The following NKAIN3 variants were observed in gnomAD, a reference collection of about 807,000 sequenced individuals.
NKAIN3 encodes the protein sodium/potassium-transporting ATPase subunit beta-1-interacting protein 3.
Under a neutral mutation model 30.2 loss-of-function variants are expected in NKAIN3, and 25 were observed. The ratio of observed to expected loss-of-function variants is 0.83; its 90% confidence interval spans 0.60 to 1.16. The LOEUF (loss-of-function observed/expected upper bound fraction) is 1.16. Among genes scored for constraint, NKAIN3 ranks in the 50% most tolerant of loss-of-function variants. NKAIN3 has a pLI of 0.00. For synonymous variants in NKAIN3, 91 were observed against 89.6 expected, an observed-to-expected ratio of 1.02 and a Z score of -0.09; for missense variants, 225 against 254.1, an observed-to-expected ratio of 0.89 and a Z score of 0.78.
intron 3 of NKAIN3, among the ~76,000 whole-genome samples, chr8:62,713,551 G>A (rs1814793418): frequency 6.6e-6 from 1 of 152,042 alleles, no homozygotes; most frequent in African/African-American, 2.4e-5. Context: ...CACTTATTGA[G>A]CAACAACAAT....
In NKAIN3 at chr8:62,399,976, T is replaced by C. The variant is rs974771653; in HGVS notation, c.54+150849T>C. ...ACACAGGAGAGAGAGGGACAGTATA[T>C]AAGACAAGGCTCCTGAACATAGAGG... is the stretch of plus-strand genomic sequence containing the variant. On this transcript the variant is annotated intron_variant, in intron 1 of 6. Transcript: ENST00000623646. Among the ~76,000 whole-genome samples, 6 of 152,216 alleles carry C rather than the reference T, an allele frequency of 3.9e-5. No homozygotes were observed. The South Asian group carries it at 1.2e-3, about 32-fold the overall frequency.
Position 62,303,161 on chromosome 8 carries a change from C to T in NKAIN3, c.54+54034C>T, listed in dbSNP as rs906386132. On this transcript the variant is annotated intron_variant, in intron 1 of 6. Transcript: ENST00000623646. ...GTTGATTTACTGTGTTTTTTAAAAA[C>T]AGTTGTGCTCTTTGGTCACTGAATT... 1.3e-5 allele frequency among the ~76,000 whole-genome samples: 2 copies of T among 150,552 alleles called. 1 individual carries two copies. Among genetic ancestry groups the T allele is most frequent in the South Asian group, 4.2e-4 (2 of 4,814 alleles).
intron 4 of NKAIN3, among the ~76,000 whole-genome samples, chr8:62,869,512 G>A (rs1038210886): frequency 1.3e-5 from 2 of 152,194 alleles, no homozygotes; most frequent in South Asian, 2.1e-4. Flanking sequence ...TTATGGAAAT[G>A]TTTCTCCAAT....
intron 3 of NKAIN3, among the ~76,000 whole-genome samples, chr8:62,680,086 T>A (rs947793453): frequency 1.3e-5 from 2 of 152,166 alleles, no homozygotes; most frequent in African/African-American, 2.4e-5. Flanking sequence ...TGACCCATCA[T>A]TGCTGACTCT....
At chr8:62,605,316 G>T (rs1360401488) in intron 3 of NKAIN3, among the ~76,000 whole-genome samples, 1 of 151,922 alleles carries the variant, frequency 6.6e-6, no homozygotes, top group Non-Finnish European at 1.5e-5. Context: ...TAACTCAACG[G>T]AGCTTTCAGA....
At chr8:62,700,408 C>T (rs1814295816) in intron 3 of NKAIN3, among the ~76,000 whole-genome samples, 1 of 152,186 alleles carries the variant, frequency 6.6e-6, no homozygotes, top group South Asian at 2.1e-4. Flanking sequence ...ATTGCAATTT[C>T]CTTAGCTAAA....
chr8:62,605,927 A>T (rs1811110883), intron 3 of NKAIN3, among the ~76,000 whole-genome samples: 1 of 152,086 alleles, frequency 6.6e-6, no homozygotes, highest in Non-Finnish European at 1.5e-5. Context: ...AGGAAAACAA[A>T]CTTTGGTATT....
At chr8:62,717,504 T>C (rs910077387) in intron 3 of NKAIN3, among the ~76,000 whole-genome samples, 1 of 152,012 alleles carries the variant, frequency 6.6e-6, no homozygotes, top group Non-Finnish European at 1.5e-5. Flanking sequence ...ATTAAGGGTT[T>C]TTTTTTTTAC....
intron 4 of NKAIN3, among the ~76,000 whole-genome samples, chr8:62,790,035 T>C (rs202164510): frequency 6.6e-6 from 1 of 152,122 alleles, no homozygotes; most frequent in African/African-American, 2.4e-5. Flanking sequence ...ACCAATATCC[T>C]TGATGAACAT....
intron 4 of NKAIN3, among the ~76,000 whole-genome samples, chr8:62,783,641 T>C (rs537452072): frequency 2.3e-4 from 33 of 145,306 alleles, no homozygotes; most frequent in African/African-American, 7.4e-4. Context: ...AGGGTCTTGC[T>C]GTGGCACCCA....
intron 1 of NKAIN3, among the ~76,000 whole-genome samples, chr8:62,398,677 G>A (rs1185880022): frequency 1.3e-5 from 2 of 152,238 alleles, no homozygotes; most frequent in African/African-American, 4.8e-5. Flanking sequence ...ACTGTAGCGT[G>A]TTCACTGTTA....
chr8:62,910,673 C>T (rs892222509), intron 4 of NKAIN3, among the ~76,000 whole-genome samples: 1 of 151,904 alleles, frequency 6.6e-6, no homozygotes, highest in African/African-American at 2.4e-5. Flanking sequence ...ACTTTCCAGT[C>T]CTCTTACAAC....
chr8:62,755,849 C>A (rs1222108153), intron 4 of NKAIN3, among the ~76,000 whole-genome samples: 2 of 152,118 alleles, frequency 1.3e-5, no homozygotes, highest in Non-Finnish European at 2.9e-5. Flanking sequence ...TTTATTGGAT[C>A]ATCACAATAT....
At chr8:62,781,498 G>A (rs1052249091) in intron 4 of NKAIN3, among the ~76,000 whole-genome samples, 2 of 151,866 alleles carry the variant, frequency 1.3e-5, no homozygotes, top group African/African-American at 4.8e-5. Flanking sequence ...AACAAAGCTG[G>A]TGGCATCACA....
intron 3 of NKAIN3, among the ~76,000 whole-genome samples, chr8:62,668,507 C>T (rs545990674): frequency 6.6e-5 from 10 of 152,250 alleles, no homozygotes; most frequent in East Asian, 1.9e-4. Context: ...ACTTTCTGCC[C>T]AGAGTTCTTT....
intron 1 of NKAIN3, among the ~76,000 whole-genome samples, chr8:62,532,381 A>G (rs1247561713): frequency 7.6e-5 from 11 of 145,610 alleles, no homozygotes; most frequent in South Asian, 2.3e-4. Context: ...TCATGATCCA[A>G]TACTACATAT....
intron 6 of NKAIN3, among the ~76,000 whole-genome samples, chr8:62,958,327 T>G (rs928746609): frequency 3.3e-5 from 5 of 152,048 alleles, no homozygotes; most frequent in African/African-American, 1.2e-4. Context: ...GGGTCTGGCC[T>G]GGGGACATGT....
chr8:62,837,370 A>T (rs959212741), intron 4 of NKAIN3, among the ~76,000 whole-genome samples: 1 of 152,184 alleles, frequency 6.6e-6, no homozygotes, highest in African/African-American at 2.4e-5. Context: ...ATTCAGTAAC[A>T]TAGAGGCGGA....
At chr8:62,537,837 G>A (rs1442022597) in intron 1 of NKAIN3, among the ~76,000 whole-genome samples, 1 of 152,120 alleles carries the variant, frequency 6.6e-6, no homozygotes, top group Admixed American at 6.5e-5. Context: ...AGCCACTTTG[G>A]TCAGGTTGCT....
Sources: gnomAD v4.1 joint callset for allele counts (sites outside exome capture counted in the v4.1 genomes callset) on GRCh38, gnomAD v4.1.1 for gene constraint, MANE v1.5 for transcripts, NCBI Gene and HGNC (gene_info 2026-07-23, HGNC 2026-07-21) for gene names.